The following NYAP2 variants were observed in gnomAD, a reference collection of about 807,000 sequenced individuals.
NYAP2 encodes neuronal tyrosine-phosphorylated phosphoinositide-3-kinase adapter 2.
A neutral mutation model predicts 50.4 loss-of-function variants in NYAP2; 23 were observed. The ratio of observed to expected loss-of-function variants is 0.46; its 90% CI spans 0.33 to 0.65. NYAP2 has a LOEUF of 0.65. NYAP2 is among the 30% of genes least tolerant of loss of function. The pLI is 0.02. For missense variants in NYAP2, 885 were observed against 861.0 expected (o/e 1.03, Z -0.35); for synonymous variants, 394 against 365.2 (o/e 1.08, Z -0.90).
At chr2:225,505,638 A>G (rs1435944383) in intron 3 of NYAP2, among the ~76,000 whole-genome samples, 1 of 152,180 alleles carries the variant, frequency 6.6e-6, no homozygotes, top group East Asian at 1.9e-4. Flanking sequence ...CACCAGATGC[A>G]TTTTCTGATA....
rs1362878992 is a variant in NYAP2 at position 225,618,431 on chromosome 2, G to A, written c.1619-8486G>A. Among the ~76,000 whole-genome samples the A allele has an allele frequency of 3.3e-5, 5 of 152,212 alleles. No homozygotes were observed. In the South Asian group the frequency reaches 8.3e-4, roughly 25 times the overall value. ...ACTCTGTGTTATTGTAATTGCCAAG[G>A]TGAAAGTATTACAATATGGCAGGCT... On this transcript the variant is annotated intron_variant, in intron 5 of 6. Coordinates refer to ENST00000636099, the Ensembl canonical transcript of NYAP2.
chr2:225,404,954 A>T (rs554808659), intron 2 of NYAP2, among the ~76,000 whole-genome samples: 2 of 152,104 alleles, frequency 1.3e-5, no homozygotes, highest in East Asian at 3.9e-4. Flanking sequence ...CACAAATTTT[A>T]AATGTTGGCC....
chr2:225,626,652 G>A (rs1693214119), intron 5 of NYAP2, among the ~76,000 whole-genome samples: 1 of 152,136 alleles, frequency 6.6e-6, no homozygotes. Context: ...TCAGAGATGA[G>A]CCCAAGGGAA....
At chr2:225,634,310 T>A (rs1693374178) in intron 6 of NYAP2, among the ~76,000 whole-genome samples, 1 of 152,154 alleles carries the variant, frequency 6.6e-6, no homozygotes, top group South Asian at 2.1e-4. Context: ...AATATGGAAT[T>A]CTGTACTTCA....
chr2:225,541,007 A>G (rs1691459474), intron 4 of NYAP2, among the ~76,000 whole-genome samples: 1 of 151,880 alleles, frequency 6.6e-6, no homozygotes, highest in Non-Finnish European at 1.5e-5. Flanking sequence ...GATGATATTT[A>G]TTGTAGTTTT....
chr2:225,631,584 A>C (rs539521849), intron 6 of NYAP2, among the ~76,000 whole-genome samples: 39 of 152,324 alleles, frequency 2.6e-4, no homozygotes, highest in East Asian at 2.3e-3. Context: ...TGCTTATGTG[A>C]AAGCGAAACT....
chr2:225,661,747 G>A, the NYAP2 span, among the ~76,000 whole-genome samples: 3 of 146,298 alleles, frequency 2.1e-5, no homozygotes, highest in African/African-American at 2.5e-5. Flanking sequence ...TTTCTGAGGC[G>A]GAGTCTAGCT....
At chr2:225,538,847 T>TTTCC (rs1164508021) in intron 4 of NYAP2, among the ~76,000 whole-genome samples, 9 of 70,484 alleles carry the variant, frequency 1.3e-4, no homozygotes, top group Non-Finnish European at 1.6e-4. Context: ...TCTTTCTTTC[T>TTTCC]TTGTTTTTAT....
chr2:225,518,564 ATAT>A (rs1559202541), intron 4 of NYAP2, among the ~76,000 whole-genome samples: 3,936 of 35,794 alleles, frequency 0.11, 990 homozygotes, highest in East Asian at 0.14. Flanking sequence ...ATATATATAT[ATAT>A]ATTAGCGTGT....
chr2:225,521,640 G>T (rs1298284520), intron 4 of NYAP2, among the ~76,000 whole-genome samples: 2 of 151,616 alleles, frequency 1.3e-5, no homozygotes, highest in African/African-American at 4.8e-5. Flanking sequence ...GATCATGGTG[G>T]ATAAGCTTTT....
chr2:225,634,090 A>G (rs2106261842), intron 6 of NYAP2, among the ~76,000 whole-genome samples: 1 of 152,296 alleles, frequency 6.6e-6, no homozygotes, highest in South Asian at 2.1e-4. Flanking sequence ...AGAGAGAGAC[A>G]TGCAGCCTTT....
At chr2:225,469,855 TG>T (rs1174600262) in intron 3 of NYAP2, among the ~76,000 whole-genome samples, 1 of 150,614 alleles carries the variant, frequency 6.6e-6, no homozygotes, top group Non-Finnish European at 1.5e-5. Context: ...TGTCGGGGGA[TG>T]GGGGGCTAGG....
At chr2:225,399,037 T>C (rs1694815258), upstream of NYAP2, among the ~76,000 whole-genome samples, 1 of 152,026 alleles carries the variant, frequency 6.6e-6, no homozygotes, top group Admixed American at 6.6e-5. Context: ...CAGAAAACTA[T>C]TTTCTAAGAC....
intron 3 of NYAP2, among the ~76,000 whole-genome samples, chr2:225,486,385 A>C (rs1690298993): frequency 2.0e-5 from 3 of 152,182 alleles, no homozygotes; most frequent in Non-Finnish European, 4.4e-5. Context: ...ACTGCCAGCT[A>C]TTAGTGATTC....
intron 3 of NYAP2, among the ~76,000 whole-genome samples, chr2:225,462,423 T>A (rs1042414004): frequency 2.0e-5 from 3 of 152,164 alleles, no homozygotes; most frequent in African/African-American, 7.2e-5. Context: ...ACTTCACCTT[T>A]CTTTTGTGCC....
intron 4 of NYAP2, among the ~76,000 whole-genome samples, chr2:225,521,280 A>T (rs1042458451): frequency 2.0e-5 from 3 of 151,998 alleles, no homozygotes; most frequent in Non-Finnish European, 2.9e-5. Flanking sequence ...TCTTCTGCCT[A>T]ATTGCCCTGG....
downstream of NYAP2, among the ~76,000 whole-genome samples, chr2:225,656,087 C>T (rs1322731698): frequency 6.6e-6 from 1 of 152,126 alleles, no homozygotes; most frequent in African/African-American, 2.4e-5. Flanking sequence ...TTGTTTATCA[C>T]ACTAAACTGA....
At chr2:225,470,234 T>G (rs1226448471) in intron 3 of NYAP2, among the ~76,000 whole-genome samples, 1 of 152,214 alleles carries the variant, frequency 6.6e-6, no homozygotes, top group Non-Finnish European at 1.5e-5. Flanking sequence ...GTAAAAGACT[T>G]GATAAGCCTC....
At chr2:225,643,932 G>A (rs1339221914) in intron 6 of NYAP2, among the ~76,000 whole-genome samples, 2 of 150,256 alleles carry the variant, frequency 1.3e-5, no homozygotes, top group South Asian at 2.1e-4. Flanking sequence ...ATAGCAGCAT[G>A]ATTTATAGTC....
Sources: gnomAD v4.1 joint callset for allele counts (sites outside exome capture counted in the v4.1 genomes callset) on GRCh38, gnomAD v4.1.1 for gene constraint, MANE v1.5 for transcripts, NCBI Gene and HGNC (gene_info 2026-07-23, HGNC 2026-07-21) for gene names.